PTPRD: variants seen among roughly 807,000 people sequenced by gnomAD.
PTPRD encodes receptor-type tyrosine-protein phosphatase delta.
In PTPRD, 34 loss-of-function variants were observed where a neutral mutation model predicts 214.5. The ratio of observed to expected loss-of-function variants is 0.16; its 90% CI spans 0.12 to 0.21. The LOEUF (loss-of-function observed/expected upper bound fraction) is 0.21, where lower values mean the gene tolerates loss of function less well. Among genes scored for constraint, PTPRD ranks in the 10% least tolerant of loss-of-function variants. The pLI is 1.00. For synonymous variants in PTPRD, 1,128 were observed against 845.7 expected (o/e 1.33, Z -5.79); for missense variants, 2,545 against 2,398.7 (o/e 1.06, Z -1.27).
rs372446153 is a variant in PTPRD at position 9,693,833 on chromosome 9, C to A, written c.-287+40700G>T. The stretch of plus-strand genomic sequence containing the variant: ...ACTGTATTTTCAAATAAACTGCCTT[C>A]AGGCTCACTCCTTTTTTATCAATTG... On this transcript the variant is annotated intron_variant, in intron 7 of 45. Transcript: ENST00000381196. Among the ~76,000 whole-genome samples the A allele has an allele frequency of 2.0e-5, 3 of 152,204 alleles. No homozygotes were observed. In the East Asian group the frequency reaches 5.8e-4, roughly 29 times the overall value.
chr9:9,543,440 A>G (rs1445221811), intron 8 of PTPRD, among the ~76,000 whole-genome samples: 1 of 151,702 alleles, frequency 6.6e-6, no homozygotes, highest in African/African-American at 2.4e-5. Flanking sequence ...CATTATATCA[A>G]TATCATGTAT....
Position 10,040,997 on chromosome 9 carries a change from T to A in PTPRD, c.-544-7207A>T, listed in dbSNP as rs2097287170. On this transcript the variant is annotated intron_variant, in intron 3 of 45. Transcript: ENST00000381196. ...ATTTGTTGTTTTGAAGAGTGATACA[T>A]TTTTAAATGTTTTTCATTTGCTTAA... 2.0e-5 allele frequency among the ~76,000 whole-genome samples: 3 copies of A among 152,060 alleles called. No individual in the cohort carries two copies. The South Asian group carries it at 6.2e-4, about 31-fold the overall frequency.
intron 9 of PTPRD, among the ~76,000 whole-genome samples, chr9:9,372,982 A>C (rs2059921261): frequency 6.6e-6 from 1 of 152,110 alleles, no homozygotes; most frequent in Non-Finnish European, 1.5e-5. Context: ...ATACCAGTTT[A>C]GAGTCTCACA....
intron 5 of PTPRD, among the ~76,000 whole-genome samples, chr9:9,831,935 C>T (rs2054992752): frequency 6.6e-6 from 1 of 151,924 alleles, no homozygotes; most frequent in South Asian, 2.1e-4. Flanking sequence ...GTGGACCCAA[C>T]CGCGAATCTC....
At chr9:10,190,412 A>AC (rs1800390824) in intron 3 of PTPRD, among the ~76,000 whole-genome samples, 1 of 78,002 alleles carries the variant, frequency 1.3e-5, no homozygotes, top group South Asian at 3.9e-4. Context: ...AAAAAAAAAA[A>AC]AAAAAAAACA....
chr9:9,998,284 A>C (rs939406593), intron 4 of PTPRD, among the ~76,000 whole-genome samples: 1 of 151,352 alleles, frequency 6.6e-6, no homozygotes, highest in Non-Finnish European at 1.5e-5. Flanking sequence ...ATGGTCCAGC[A>C]GGATTGATGG....
intron 11 of PTPRD, among the ~76,000 whole-genome samples, chr9:8,758,460 G>C (rs2094173063): frequency 6.6e-6 from 1 of 152,062 alleles, no homozygotes; most frequent in East Asian, 1.9e-4. Context: ...AAAATAAAAA[G>C]CTATGAGTTT....
chr9:9,076,308 G>A lies in PTPRD; in HGVS notation c.-142-57573C>T, dbSNP rs200887099. Among the ~76,000 whole-genome samples the A allele has an allele frequency of 1.1e-4, 17 of 152,148 alleles. No homozygotes were observed. In the South Asian group the frequency reaches 3.5e-3, roughly 32 times the overall value. On this transcript the variant is annotated intron_variant, in intron 10 of 45. Transcript: ENST00000381196. Reference sequence around the variant, plus strand: ...GGATATTAGCCCTTTGTCAGACGGGGAGATTGCAAAAATTTTCCCCCGTTC... The same window carrying A: ...GGATATTAGCCCTTTGTCAGACGGGAAGATTGCAAAAATTTTCCCCCGTTC...
chr9:9,652,437 G>T (rs1393771171), intron 7 of PTPRD, among the ~76,000 whole-genome samples: 2 of 152,122 alleles, frequency 1.3e-5, no homozygotes, highest in Non-Finnish European at 2.9e-5. Flanking sequence ...TGTAGTTGGG[G>T]AAGGTATTTA....
At chr9:9,514,561 A>G (rs570872491) in intron 8 of PTPRD, among the ~76,000 whole-genome samples, 1 of 152,260 alleles carries the variant, frequency 6.6e-6, no homozygotes, top group South Asian at 2.1e-4. Context: ...TTAATGTCCA[A>G]GTTAAAATTG....
intron 7 of PTPRD, among the ~76,000 whole-genome samples, chr9:9,641,492 G>A (rs193047155): frequency 6.6e-6 from 1 of 152,220 alleles, no homozygotes; most frequent in East Asian, 1.9e-4. Flanking sequence ...ATGATAAGAG[G>A]CTATAGGAAA....
chr9:8,387,644 G>A (rs926749637), intron 37 of PTPRD, among the ~76,000 whole-genome samples: 5 of 152,152 alleles, frequency 3.3e-5, no homozygotes, highest in South Asian at 2.1e-4. Context: ...GGTGAAGCAC[G>A]TGTGTTCTGG....
intron 4 of PTPRD, among the ~76,000 whole-genome samples, chr9:9,939,249 TG>T (rs2090653787): frequency 6.6e-6 from 1 of 152,148 alleles, no homozygotes; most frequent in Non-Finnish European, 1.5e-5. Flanking sequence ...CCTGTATGAA[TG>T]GAATGTGCCA....
chr9:10,593,337 T>C (rs935908160), intron 2 of PTPRD, among the ~76,000 whole-genome samples: 4 of 152,040 alleles, frequency 2.6e-5, no homozygotes, highest in South Asian at 4.1e-4. Context: ...GTAATAAATG[T>C]ATACAGCACA....
chr9:9,628,371 G>T (rs2095486543), intron 7 of PTPRD, among the ~76,000 whole-genome samples: 4 of 152,058 alleles, frequency 2.6e-5, no homozygotes, highest in Non-Finnish European at 4.4e-5. Context: ...TCAATTGCCA[G>T]GTTCCCTTTT....
At chr9:9,011,620 C>T (rs1442359831) in intron 11 of PTPRD, among the ~76,000 whole-genome samples, 2 of 152,134 alleles carry the variant, frequency 1.3e-5, no homozygotes, top group African/African-American at 2.4e-5. Flanking sequence ...CTGCCTCTTA[C>T]AATAGGAAAT....
chr9:10,511,297 C>A (rs752489708), intron 2 of PTPRD, among the ~76,000 whole-genome samples: 1 of 152,092 alleles, frequency 6.6e-6, no homozygotes, highest in Non-Finnish European at 1.5e-5. Context: ...AGTGGGATTG[C>A]CAGGTCAGAA....
rs1451479479 is a variant in PTPRD at position 8,675,957 on chromosome 9, A to T, written c.65-39113T>A. Among the ~76,000 whole-genome samples, 3 of 152,234 alleles carry T rather than the reference A, an allele frequency of 2.0e-5. No homozygotes were observed. In the East Asian group the frequency reaches 5.8e-4, roughly 29 times the overall value. ...GTGCTCCTGGTCCCTGACCTTCGGG[A>T]TCAACTCCAACCCTCAGAATCTAAC... On this transcript the variant is annotated intron_variant, in intron 12 of 45. Coordinates refer to ENST00000381196, the MANE Select transcript of PTPRD (RefSeq NM_002839.4).
At chr9:8,602,282 C>A (rs1292291440) in intron 14 of PTPRD, among the ~76,000 whole-genome samples, 2 of 152,162 alleles carry the variant, frequency 1.3e-5, no homozygotes, top group Non-Finnish European at 2.9e-5. Context: ...TCTGTAAAGA[C>A]CCCTAGATAT....
Sources: allele counts gnomAD v4.1 joint callset (sites outside exome capture counted in the v4.1 genomes callset), GRCh38; gene constraint gnomAD v4.1.1; transcripts MANE v1.5; gene names NCBI Gene and HGNC (gene_info 2026-07-23, HGNC 2026-07-21).